Variants in NCMAP observed in about 807,000 individuals in gnomAD.
NCMAP encodes the protein noncompact myelin-associated protein.
A neutral mutation model predicts 7.8 loss-of-function variants in NCMAP; 8 were observed. The ratio of observed to expected loss-of-function variants is 1.02; its 90% confidence interval spans 0.60 to 1.84. The LOEUF (loss-of-function observed/expected upper bound fraction) is 1.84, where lower values mean the gene tolerates loss of function less well. Ranked by LOEUF, NCMAP falls within the 40% of genes most tolerant of loss-of-function variation. NCMAP has a pLI of 0.00. For synonymous variants in NCMAP, 41 were observed against 52.9 expected, an observed-to-expected ratio of 0.78 and a Z score of 0.98; for missense variants, 112 against 131.4, an observed-to-expected ratio of 0.85 and a Z score of 0.72.
In NCMAP at chr1:24,587,293, C is replaced by T. The variant is rs1361294573; in HGVS notation, c.-7-8131C>T. 5.9e-5 allele frequency among the ~76,000 whole-genome samples: 9 copies of T among 152,274 alleles called. No individual in the cohort carries two copies. In the East Asian group the frequency reaches 1.4e-3, roughly 23 times the overall value. On this transcript the variant is annotated intron_variant, in intron 1 of 3. Coordinates refer to ENST00000374392, the MANE Select transcript of NCMAP (RefSeq NM_001010980.5). ...GAATATTTACCCCAGAGAAGAAAATCGTCAGAGGACATACAATTGGTGTTT... is the reference window on the plus strand; with the variant it reads ...GAATATTTACCCCAGAGAAGAAAATTGTCAGAGGACATACAATTGGTGTTT...
intron 1 of NCMAP, among the ~76,000 whole-genome samples, chr1:24,589,984 A>T (rs1652000779): frequency 6.6e-6 from 1 of 151,892 alleles, no homozygotes; most frequent in Admixed American, 6.6e-5. Context: ...CTGCCATCAC[A>T]CCTGGCTAAT....
At chr1:24,588,011 A>G (rs1651943224) in intron 1 of NCMAP, among the ~76,000 whole-genome samples, 2 of 152,034 alleles carry the variant, frequency 1.3e-5, no homozygotes, top group South Asian at 4.1e-4. Flanking sequence ...AAAGAGAAAG[A>G]AACAGAAAGG....
rs867821220 is a variant in NCMAP at position 24,581,568 on chromosome 1, G to A, written c.-7-13856G>A. ...GAGAAACCACCCTAAGTTACTGCAC[G>A]GACTGAGAGTCGCTGGGAGAAGTCC... On this transcript the variant is annotated intron_variant, in intron 1 of 3. Transcript: ENST00000374392. Among the ~76,000 whole-genome samples, 8 of 152,294 alleles carry A rather than the reference G, an allele frequency of 5.3e-5. No homozygotes were observed. The Middle Eastern group carries it at 0.01, about 194-fold the overall frequency.
rs1052467062 is a variant in NCMAP, at chr1:24,571,740, C to G, written c.-8+15571C>G. ...AGCTGGGATTACAGGTGTGCGCCACCACGCCTGGCTAATTTTTGTGTTTTT... is the reference window on the plus strand; with the variant it reads ...AGCTGGGATTACAGGTGTGCGCCACGACGCCTGGCTAATTTTTGTGTTTTT... On this transcript the variant is annotated intron_variant, in intron 1 of 3. Coordinates refer to ENST00000374392, the MANE Select transcript of NCMAP (RefSeq NM_001010980.5). Among the ~76,000 whole-genome samples the G allele has an allele frequency of 1.1e-4, 16 of 149,832 alleles. 1 individual carries two copies. Among genetic ancestry groups the G allele is most frequent in the African/African-American group, 4.1e-4 (16 of 39,366 alleles).
intron 3 of NCMAP, among the ~76,000 whole-genome samples, chr1:24,602,181 T>C (rs1246007588): frequency 6.6e-6 from 1 of 152,114 alleles, no homozygotes; most frequent in Non-Finnish European, 1.5e-5. Flanking sequence ...CATACACATA[T>C]CCAAGGGAAA....
intron 1 of NCMAP, among the ~76,000 whole-genome samples, chr1:24,575,489 A>G (rs1027633980): frequency 6.6e-6 from 1 of 152,118 alleles, no homozygotes; most frequent in African/African-American, 2.4e-5. Flanking sequence ...AGGGTGAATA[A>G]TTTGTCTACA....
intron 1 of NCMAP, among the ~76,000 whole-genome samples, chr1:24,564,537 A>AAAAAAAC (rs1651161011): frequency 6.7e-6 from 1 of 149,556 alleles, no homozygotes; most frequent in African/African-American, 2.5e-5. Context: ...AAAAAACAAA[A>AAAAAAAC]AAAAACCTGA....
intron 3 of NCMAP, among the ~76,000 whole-genome samples, chr1:24,602,606 A>G (rs1283555288): frequency 6.8e-6 from 1 of 146,390 alleles, no homozygotes; most frequent in Non-Finnish European, 1.5e-5. Flanking sequence ...TATGAATATT[A>G]TTTATAAAGG....
In NCMAP at chr1:24,576,501, A is replaced by G. The variant is rs1438887444; in HGVS notation, c.-7-18923A>G. Among the ~76,000 whole-genome samples the G allele has an allele frequency of 6.6e-6, 1 of 152,080 alleles. No homozygotes were observed. The highest frequency in any genetic ancestry group is 1.5e-5 in the Non-Finnish European group (1 of 67,996). ...AAAGGGGAGGGGTGTTCCTTCTGGA[A>G]TGGAGGGTGTGGAGGCAAACAAGCC... On this transcript the variant is annotated intron_variant, in intron 1 of 3. Coordinates refer to ENST00000374392, the MANE Select transcript of NCMAP (RefSeq NM_001010980.5). This position sits in a 1 kb window ranked among gnomAD's most constrained non-coding sequence, Gnocchi z 4.0.
chr1:24,599,044 C>G (rs1247592290), intron 2 of NCMAP, among the ~76,000 whole-genome samples: 1 of 150,858 alleles, frequency 6.6e-6, no homozygotes, highest in Non-Finnish European at 1.5e-5. Flanking sequence ...CTTTGGGAGG[C>G]TGAGGGGGGC....
intron 2 of NCMAP, among the ~76,000 whole-genome samples, chr1:24,599,734 C>T (rs900435973): frequency 2.0e-5 from 3 of 150,782 alleles, no homozygotes; most frequent in African/African-American, 4.9e-5. Flanking sequence ...CATGCCATCA[C>T]GCCCGGCTAA....
At chr1:24,573,655 C>T (rs182191240) in intron 1 of NCMAP, among the ~76,000 whole-genome samples, 3 of 150,304 alleles carry the variant, frequency 2.0e-5, no homozygotes, top group Non-Finnish European at 4.4e-5. Flanking sequence ...ACCTAGAAAC[C>T]GGCCAGGTGC....
At chr1:24,599,790 C>G (rs978467871) in intron 2 of NCMAP, among the ~76,000 whole-genome samples, 1 of 127,970 alleles carries the variant, frequency 7.8e-6, no homozygotes, top group Middle Eastern at 5.1e-3. Flanking sequence ...GTTGGTCAGG[C>G]TGGTCTCGAA....
Position 24,579,050 on chromosome 1 carries a change from C to T in NCMAP, c.-7-16374C>T, listed in dbSNP as rs568140477. Among the ~76,000 whole-genome samples, 367 of 152,256 alleles carry T rather than the reference C, an allele frequency of 2.4e-3. 2 individuals are homozygous for T. The highest frequency in any genetic ancestry group is 6.8e-3 in the Middle Eastern group (2 of 294). ...CGCAGACTGTGCCCGGCAGCGCGGA[C>T]CTCGGCATCTTCTTGCTCCTTCCTA... On this transcript the variant is annotated intron_variant, in intron 1 of 3. Coordinates refer to ENST00000374392, the MANE Select transcript of NCMAP (RefSeq NM_001010980.5).
intron 1 of NCMAP, chr1:24,589,327 G>C (rs576391884): frequency 6.6e-6 from 1 of 152,302 alleles, no homozygotes; most frequent in Non-Finnish European, 1.5e-5. Flanking sequence ...CCCTCACTTG[G>C]TTAACAACTG....
At chr1:24,599,819 G>T (rs1342246782) in intron 2 of NCMAP, among the ~76,000 whole-genome samples, 2 of 47,772 alleles carry the variant, frequency 4.2e-5, no homozygotes, top group African/African-American at 8.3e-5. Context: ...CTCGTGATCC[G>T]CCCCCCCCCC....
At chr1:24,567,612 A>G (rs1651264636) in intron 1 of NCMAP, among the ~76,000 whole-genome samples, 1 of 152,180 alleles carries the variant, frequency 6.6e-6, no homozygotes, top group African/African-American at 2.4e-5. Flanking sequence ...GGAACTAGAG[A>G]GGAGTCGCAA....
intron 1 of NCMAP, among the ~76,000 whole-genome samples, chr1:24,560,550 A>G (rs1282978153): frequency 6.6e-6 from 1 of 152,126 alleles, no homozygotes; most frequent in Non-Finnish European, 1.5e-5. Flanking sequence ...TTTGAGACCA[A>G]TCTGGCCAAC....
intron 1 of NCMAP, 28 bp from the exon 2 acceptor site, chr1:24,595,396 A>G: frequency 6.5e-7 from 1 of 1,530,040 alleles, no homozygotes; most frequent in Admixed American, 1.7e-5. Context: ...TCTAATTTTA[A>G]ACAAAATATC....
Sources: gnomAD v4.1 joint callset for allele counts (sites outside exome capture counted in the v4.1 genomes callset) on GRCh38, gnomAD v4.1.1 for gene constraint, Gnocchi (gnomAD v3.1) non-coding constraint, MANE v1.5 for transcripts, NCBI Gene and HGNC (gene_info 2026-07-23, HGNC 2026-07-21) for gene names.